Variants in AIG1 observed in about 807,000 individuals in gnomAD.
AIG1 encodes androgen induced 1, also known as androgen-induced gene 1 protein.
In AIG1, 23 loss-of-function variants were observed where a neutral mutation model predicts 31.4. That is an observed-to-expected ratio of 0.73 (90% confidence interval 0.53 to 1.04). The LOEUF (loss-of-function observed/expected upper bound fraction) is 1.04, where lower values mean the gene tolerates loss of function less well. Among genes scored for constraint, AIG1 ranks in the 50% least tolerant of loss-of-function variants. AIG1 has a pLI of 0.00. For missense variants in AIG1, 274 were observed against 295.0 expected, an observed-to-expected ratio of 0.93 and a Z score of 0.52; for synonymous variants, 100 against 110.5, an observed-to-expected ratio of 0.90 and a Z score of 0.60.
chr6:143,305,984 C>T (rs1583812375), intron 4 of AIG1, among the ~76,000 whole-genome samples: 1 of 151,394 alleles, frequency 6.6e-6, no homozygotes, highest in East Asian at 1.9e-4. Context: ...ATGTAATGGC[C>T]TTCTTTGTCT....
At chr6:143,114,610 G>T (rs986069473) in intron 1 of AIG1, among the ~76,000 whole-genome samples, 1 of 152,220 alleles carries the variant, frequency 6.6e-6, no homozygotes, top group Non-Finnish European at 1.5e-5. Flanking sequence ...TTGTAAGTAT[G>T]TATTTTTCCA....
chr6:143,336,870 G>A (rs1005501363), intron 5 of AIG1, among the ~76,000 whole-genome samples: 5 of 152,186 alleles, frequency 3.3e-5, no homozygotes, highest in African/African-American at 7.2e-5. Context: ...AAACAGAATG[G>A]TGGGACAGGC....
chr6:143,117,461 G>T (rs1781835937), intron 1 of AIG1, among the ~76,000 whole-genome samples: 2 of 152,130 alleles, frequency 1.3e-5, no homozygotes, highest in African/African-American at 4.8e-5. Context: ...CTAAAGAATG[G>T]CATTAGCAGG....
At chr6:143,197,344 T>A (rs1472081535) in intron 3 of AIG1, among the ~76,000 whole-genome samples, 2 of 152,210 alleles carry the variant, frequency 1.3e-5, no homozygotes, top group East Asian at 1.9e-4. Context: ...TTTAAAATGA[T>A]CTTTATTAAA....
intron 4 of AIG1, among the ~76,000 whole-genome samples, chr6:143,332,781 G>A (rs879396485): frequency 2.0e-5 from 3 of 152,200 alleles, no homozygotes; most frequent in Admixed American, 2.0e-4. Flanking sequence ...TTGTTTAACA[G>A]TGTTAATAAA....
chr6:143,060,832 C>A (rs1402815944), upstream of AIG1: 4 of 663,036 alleles, frequency 6.0e-6, no homozygotes, highest in Non-Finnish European at 7.4e-6. Flanking sequence ...CCCGCGCCCG[C>A]GCCCGGGTTC....
intron 3 of AIG1, among the ~76,000 whole-genome samples, chr6:143,233,220 A>G (rs1793575198): frequency 6.6e-6 from 1 of 152,204 alleles, no homozygotes; most frequent in Non-Finnish European, 1.5e-5. Flanking sequence ...GGCACGGACC[A>G]TCAGGGTGGC....
At chr6:143,132,858 T>C (rs2128516124) in intron 1 of AIG1, among the ~76,000 whole-genome samples, 1 of 152,224 alleles carries the variant, frequency 6.6e-6, no homozygotes, top group South Asian at 2.1e-4. Context: ...ATTATTTCCA[T>C]ACAGTGACTT....
At chr6:143,118,868 CTTT>C (rs1272273294) in intron 1 of AIG1, among the ~76,000 whole-genome samples, 2 of 135,114 alleles carry the variant, frequency 1.5e-5, no homozygotes, top group Non-Finnish European at 3.2e-5. Context: ...AAAGAATTTT[CTTT>C]TTTTTTTTTT....
chr6:143,228,917 T>A (rs753804605), intron 3 of AIG1, among the ~76,000 whole-genome samples: 9 of 152,242 alleles, frequency 5.9e-5, no homozygotes, highest in Non-Finnish European at 1.0e-4. Context: ...AAGGTTGCTT[T>A]TGTGGCCACA....
At position 143,291,646 on chromosome 6, in the gene AIG1, C is replaced by A. The variant is rs1798066607; in HGVS notation, c.515+7421C>A. Among the ~76,000 whole-genome samples, 1 of 152,188 alleles carries A rather than the reference C, an allele frequency of 6.6e-6. No individual in the cohort carries two copies. The highest frequency in any genetic ancestry group is 1.5e-5 in the Non-Finnish European group (1 of 68,036). ...AGAAAGGAAAGAGGCATCTCAGAAC[C>A]AGTCCACGTCCTCCTCTTCTACTTC... On this transcript the variant is annotated intron_variant, in intron 4 of 5. Coordinates refer to ENST00000357847, the MANE Select transcript of AIG1 (RefSeq NM_016108.4). The surrounding 1 kb of genome is among the most constrained non-coding windows in gnomAD (Gnocchi z 4.2).
At chr6:143,106,779 A>G (rs1343137984) in intron 1 of AIG1, among the ~76,000 whole-genome samples, 1 of 152,218 alleles carries the variant, frequency 6.6e-6, no homozygotes, top group East Asian at 1.9e-4. Flanking sequence ...CTTATCAGCA[A>G]CAGATTTATT....
intron 1 of AIG1, among the ~76,000 whole-genome samples, chr6:143,084,374 ACTGGAAGC>A (rs1339045730): frequency 1.3e-5 from 2 of 152,240 alleles, no homozygotes; most frequent in East Asian, 3.9e-4. Context: ...TGTAGACTGC[ACTGGAAGC>A]AAGCCCTATT....
chr6:143,285,483 G>A (rs1797623342), intron 4 of AIG1, among the ~76,000 whole-genome samples: 1 of 151,420 alleles, frequency 6.6e-6, no homozygotes, highest in Non-Finnish European at 1.5e-5. Context: ...TCAACATGGT[G>A]AAACCCCATC....
intron 3 of AIG1, among the ~76,000 whole-genome samples, chr6:143,242,227 T>G (rs546153864): frequency 6.6e-6 from 1 of 152,310 alleles, no homozygotes; most frequent in Non-Finnish European, 1.5e-5. Flanking sequence ...GGGATTCTAG[T>G]CACTGGCAAG....
intron 1 of AIG1, among the ~76,000 whole-genome samples, chr6:143,105,953 G>A (rs780828714): frequency 2.0e-5 from 3 of 152,186 alleles, no homozygotes; most frequent in Non-Finnish European, 4.4e-5. Context: ...TAGTGAGCTC[G>A]TGTGCTTTTC....
In AIG1 at chr6:143,085,481, C is replaced by T. The variant is rs551984370; in HGVS notation, c.141+24415C>T. Among the ~76,000 whole-genome samples, 134 of 152,282 alleles carry T rather than the reference C, an allele frequency of 8.8e-4. 1 individual carries two copies. The highest frequency in any genetic ancestry group is 2.9e-3 in the African/African-American group (121 of 41,550). On this transcript the variant is annotated intron_variant, in intron 1 of 5. Transcript: ENST00000357847. ...CTGGATTCTAGTGGTCCTTTTCCAGCGTGCCCAACATTGCCTTTGTGCTCA... is the reference window on the plus strand; with the variant it reads ...CTGGATTCTAGTGGTCCTTTTCCAGTGTGCCCAACATTGCCTTTGTGCTCA...
chr6:143,171,390 C>T (rs144304091), intron 3 of AIG1, among the ~76,000 whole-genome samples: 3 of 131,598 alleles, frequency 2.3e-5, no homozygotes, highest in Non-Finnish European at 4.7e-5. Context: ...TTTATGGCTG[C>T]GTAGTATTCA....
chr6:143,177,038 A>G (rs1280943906), intron 3 of AIG1, among the ~76,000 whole-genome samples: 1 of 152,220 alleles, frequency 6.6e-6, no homozygotes, highest in East Asian at 1.9e-4. Flanking sequence ...ATTTTAAAAG[A>G]ACTGCCTTCA....
Sources: gnomAD v4.1 joint callset for allele counts (sites outside exome capture counted in the v4.1 genomes callset) on GRCh38, gnomAD v4.1.1 for gene constraint, Gnocchi (gnomAD v3.1) non-coding constraint, MANE v1.5 for transcripts, NCBI Gene and HGNC (gene_info 2026-07-23, HGNC 2026-07-21) for gene names.